The following SPG11 variants were observed in gnomAD, a reference collection of about 807,000 sequenced individuals.
The protein encoded by SPG11 is SPG11 vesicle trafficking associated, spatacsin.
In SPG11, 222 loss-of-function variants were observed where a neutral mutation model predicts 274.0. The observed-to-expected ratio is 0.81, with a 90% CI of 0.73 to 0.91. The LOEUF is 0.91. Among genes scored for constraint, SPG11 ranks in the 40% least tolerant of loss-of-function variants. The probability of loss-of-function intolerance (pLI) is 0.00; values close to 1 mark genes in which losing one functional copy is unlikely to be tolerated. For synonymous variants in SPG11, 1,144 were observed against 1,039.7 expected, an observed-to-expected ratio of 1.10 and a Z score of -1.93; for missense variants, 3,114 against 2,872.7, an observed-to-expected ratio of 1.08 and a Z score of -1.92.
At chr15:44,569,842 A>C (rs558064980) in intron 34 of SPG11, among the ~76,000 whole-genome samples, 4 of 150,828 alleles carry the variant, frequency 2.7e-5, no homozygotes, top group Non-Finnish European at 5.9e-5. Context: ...TCAGCCTCCC[A>C]AGTAGCTGGG....
At chr15:44,646,696 G>C (rs933250697) in intron 7 of SPG11, among the ~76,000 whole-genome samples, 1 of 152,160 alleles carries the variant, frequency 6.6e-6, no homozygotes, top group African/African-American at 2.4e-5. Context: ...TGGAGCTAGA[G>C]GCCATTATCC....
intron 1 of SPG11, among the ~76,000 whole-genome samples, chr15:44,662,095 G>A (rs2085126435): frequency 6.6e-6 from 1 of 152,034 alleles, no homozygotes; most frequent in African/African-American, 2.4e-5. Context: ...CACATTCATA[G>A]GTACTTGATA....
At chr15:44,582,077 T>C (rs976880091) in intron 30 of SPG11, among the ~76,000 whole-genome samples, 14 of 152,218 alleles carry the variant, frequency 9.2e-5, no homozygotes, top group African/African-American at 3.4e-4. Context: ...ATTGAATTTG[T>C]GGTTTAAAAT....
Position 44,567,563 on chromosome 15 carries a change from G to A in SPG11, c.6615C>T (p.Asp2205=), listed in dbSNP as rs957120619. The A allele has an allele frequency of 6.2e-7, 1 of 1,614,022 alleles. No individual in the cohort carries two copies. Among genetic ancestry groups the A allele is most frequent in the African/African-American group, 1.3e-5 (1 of 75,016 alleles). ...PSGTLKTALL[D]YIKRCRPGDS... ...CTCCAGGACGGCAGCGTTTGATGTAGTCCAGCAGGGCTGTTTTCAGGGTAC... is the reference window on the plus strand; with the variant it reads ...CTCCAGGACGGCAGCGTTTGATGTAATCCAGCAGGGCTGTTTTCAGGGTAC... Residue 2205 remains aspartate (D), a synonymous_variant, in exon 36 of 40, where the codon GAC becomes GAT. Transcript: ENST00000261866.
chr15:44,634,130 C>A (rs543529940), intron 7 of SPG11, among the ~76,000 whole-genome samples: 1 of 152,084 alleles, frequency 6.6e-6, no homozygotes, highest in Non-Finnish European at 1.5e-5. Flanking sequence ...CAAGCCACTG[C>A]GCCTGGCCCA....
intron 7 of SPG11, among the ~76,000 whole-genome samples, chr15:44,636,486 C>A (rs953022717): frequency 2.7e-5 from 4 of 150,252 alleles, no homozygotes; most frequent in Non-Finnish European, 4.4e-5. Flanking sequence ...ATGGTGAAAC[C>A]CCGTCTCTAC....
intron 31 of SPG11, 113 bp downstream of exon 31, chr15:44,574,789 C>T (rs1413370694): frequency 2.3e-6 from 3 of 1,288,940 alleles, no homozygotes; most frequent in African/African-American, 2.9e-5. Context: ...AAGAGCTCTA[C>T]TCCCAGGTCA....
chr15:44,595,451 A>G lies in SPG11; in HGVS notation c.4443T>C (p.Ser1481=), dbSNP rs1196087090. The change falls in exon 26 of 40, where the codon AGT becomes AGC. Residue 1481 remains serine (S), a synonymous_variant. Coordinates refer to ENST00000261866, the MANE Select transcript of SPG11 (RefSeq NM_025137.4). Reference sequence around the variant, plus strand: ...TCCAAACACAGAGACAAGAAATGGCACTGGCACCCTGCCACGGGATAAATA... The same window carrying G: ...TCCAAACACAGAGACAAGAAATGGCGCTGGCACCCTGCCACGGGATAAATA... The part of the protein sequence containing the change: ...SVLASCLQGA[S]AISCLCVWII... 3.7e-6 allele frequency: 6 copies of G among 1,614,062 alleles called. No homozygotes were observed. In the South Asian group the frequency reaches 6.6e-5, roughly 18 times the overall value.
intron 7 of SPG11, among the ~76,000 whole-genome samples, chr15:44,642,356 C>G (rs955902359): frequency 2.5e-4 from 29 of 117,498 alleles, no homozygotes; most frequent in African/African-American, 9.9e-4. Context: ...CAGAGTAAGA[C>G]TCCATCTCAA....
rs553558268 is a variant in SPG11 at position 44,606,162 on chromosome 15, A to G, written c.3454-71T>C. On this transcript the variant is annotated intron_variant, in intron 19 of 39. Coordinates refer to ENST00000261866, the MANE Select transcript of SPG11 (RefSeq NM_025137.4). ...TAAAATAGGTAAAAAAAATTATATG[A>G]AAGGACTTCAGAGGTAGTCTGCTCC... is the stretch of plus-strand genomic sequence containing the variant. The G allele has an allele frequency of 7.2e-4, 1,006 of 1,387,702 alleles. 4 individuals carry two copies. The highest frequency in any genetic ancestry group is 7.8e-4 in the Non-Finnish European group (776 of 990,494). The allele number at this position is 1,387,702 out of a possible 1,614,324, so 86.0% of individuals were successfully genotyped here.
chr15:44,629,170 G>T (rs1882149461), intron 9 of SPG11, 63 bp downstream of exon 9: 2 of 1,560,194 alleles, frequency 1.3e-6, no homozygotes, highest in Admixed American at 1.7e-5. Context: ...CCCAATAGCA[G>T]CACTTGTATC....
intron 30 of SPG11, among the ~76,000 whole-genome samples, chr15:44,576,066 C>T (rs1333559096): frequency 3.4e-5 from 5 of 145,366 alleles, no homozygotes; most frequent in Non-Finnish European, 4.5e-5. Flanking sequence ...TGCTTGAACC[C>T]GGGAGGCGGA....
At chr15:44,641,863 G>A (rs12594578) in intron 7 of SPG11, among the ~76,000 whole-genome samples, 2,096 of 143,260 alleles carry the variant, frequency 0.015, 48 homozygotes, top group East Asian at 0.1. Flanking sequence ...CCCTAGAGAC[G>A]CTCTTGCCCA....
chr15:44,595,990 A>T, intron 25 of SPG11, 93 bp downstream of exon 25: 1 of 1,526,082 alleles, frequency 6.6e-7, no homozygotes, highest in Non-Finnish European at 9.0e-7. Flanking sequence ...CACTGTCATC[A>T]TCACCCCACT....
At position 44,629,081 on chromosome 15, in the gene SPG11, A is replaced by G. The variant is rs933767379; in HGVS notation, c.1891+152T>C. 1.9e-5 allele frequency: 18 copies of G among 942,152 alleles called. No individual in the cohort carries two copies. In the African/African-American group the frequency reaches 2.1e-4, roughly 11 times the overall value. The allele number at this position is 942,152 out of a possible 1,614,324, so 58.4% of individuals were successfully genotyped here. Reference sequence around the variant, plus strand: ...TTTCTACCAACTTTCTCAGTATCAAAACCCATTTCACTTACTCAACTACAC... The same window carrying G: ...TTTCTACCAACTTTCTCAGTATCAAGACCCATTTCACTTACTCAACTACAC... On this transcript the variant is annotated intron_variant, in intron 9 of 39. Transcript: ENST00000261866.
At chr15:44,624,609 T>C (rs776239651) in intron 11 of SPG11, among the ~76,000 whole-genome samples, 2 of 152,192 alleles carry the variant, frequency 1.3e-5, no homozygotes, top group Non-Finnish European at 2.9e-5. Context: ...ATGTACAGCA[T>C]AGTAACTAAA....
chr15:44,596,311 G>A lies in SPG11; in HGVS notation c.4206C>T (p.His1402=), dbSNP rs1428364300. 2 of 1,614,054 alleles carry A rather than the reference G, an allele frequency of 1.2e-6. No homozygotes were observed. Among genetic ancestry groups the A allele is most frequent in the Admixed American group, 1.7e-5 (1 of 59,996 alleles). ...GCAAGTTCTCAAAAGCCAGCCTTAAGTGGTCTTGAATGACTGGGCTGAAGT... is the reference window on the plus strand; with the variant it reads ...GCAAGTTCTCAAAAGCCAGCCTTAAATGGTCTTGAATGACTGGGCTGAAGT... The part of the protein sequence containing the change: ...IQYFSPVIQD[H]LRLAFENLPS... Residue 1402 remains histidine (H), a synonymous_variant, in exon 25 of 40, where the codon CAC becomes CAT. Coordinates refer to ENST00000261866, the MANE Select transcript of SPG11 (RefSeq NM_025137.4).
At chr15:44,606,923 G>GA (rs1348203100) in intron 19 of SPG11, among the ~76,000 whole-genome samples, 1 of 152,116 alleles carries the variant, frequency 6.6e-6, no homozygotes, top group Non-Finnish European at 1.5e-5. Context: ...TTTTGCCTGG[G>GA]AAAAAACAAG....
At chr15:44,631,804 T>C (rs981413487) in intron 8 of SPG11, among the ~76,000 whole-genome samples, 3 of 115,080 alleles carry the variant, frequency 2.6e-5, no homozygotes, top group African/African-American at 7.1e-5. Context: ...TGCACCCAGC[T>C]TTTTTTTTTT....
Sources: gnomAD v4.1 joint callset for allele counts (sites outside exome capture counted in the v4.1 genomes callset) on GRCh38, gnomAD v4.1.1 for gene constraint, MANE v1.5 for transcripts, NCBI Gene and HGNC (gene_info 2026-07-23, HGNC 2026-07-21) for gene names.